The following ZNF423 variants were observed in gnomAD, a reference collection of about 807,000 sequenced individuals.
ZNF423 encodes zinc finger protein 423.
ZNF423 carries 12 observed loss-of-function variants against 95.8 expected under a neutral mutation model. The observed-to-expected ratio is 0.13, with a 90% CI of 0.08 to 0.20. The LOEUF (loss-of-function observed/expected upper bound fraction) is 0.20, where lower values mean the gene tolerates loss of function less well. Ranked by LOEUF, ZNF423 falls within the 10% of genes least tolerant of loss-of-function variation. The pLI is 1.00. For missense variants in ZNF423, 1,316 were observed against 1,737.1 expected (o/e 0.76, Z 4.31); for synonymous variants, 749 against 711.9 (o/e 1.05, Z -0.83).
At chr16:49,817,250 G>C (rs1443330238) in intron 1 of ZNF423, among the ~76,000 whole-genome samples, 1 of 152,214 alleles carries the variant, frequency 6.6e-6, no homozygotes, top group African/African-American at 2.4e-5. Context: ...AGAGCAGGGG[G>C]AGGCAGGGGA....
chr16:49,528,269 G>A (rs1474753766), intron 5 of ZNF423, among the ~76,000 whole-genome samples: 1 of 151,870 alleles, frequency 6.6e-6, no homozygotes, highest in African/African-American at 2.4e-5. Context: ...TTCTCCGAGT[G>A]CCGAGCAATT....
At chr16:49,727,474 C>T (rs1416047803) in intron 3 of ZNF423, among the ~76,000 whole-genome samples, 1 of 150,276 alleles carries the variant, frequency 6.7e-6, no homozygotes, top group Non-Finnish European at 1.5e-5. Context: ...CAAAACGCTG[C>T]CCCCAATCTC....
At chr16:49,552,811 G>C (rs1377630454) in intron 5 of ZNF423, among the ~76,000 whole-genome samples, 2 of 151,892 alleles carry the variant, frequency 1.3e-5, no homozygotes, top group African/African-American at 4.8e-5. Context: ...TCAGAGGCCG[G>C]GCCATGATCC....
At chr16:49,813,490 C>G (rs1438906732) in intron 1 of ZNF423, among the ~76,000 whole-genome samples, 1 of 152,230 alleles carries the variant, frequency 6.6e-6, no homozygotes, top group Non-Finnish European at 1.5e-5. Context: ...GCCCTGCCCT[C>G]CCCTGGGCCA....
intron 5 of ZNF423, among the ~76,000 whole-genome samples, chr16:49,537,997 G>A (rs1969113645): frequency 6.6e-6 from 1 of 152,200 alleles, no homozygotes; most frequent in Non-Finnish European, 1.5e-5. Context: ...CCTCCTGTCT[G>A]CCCTTGGCTG....
intron 1 of ZNF423, among the ~76,000 whole-genome samples, chr16:49,791,490 C>A (rs1404807423): frequency 6.6e-6 from 1 of 152,162 alleles, no homozygotes; most frequent in African/African-American, 2.4e-5. Flanking sequence ...TACACGCACA[C>A]ATGTAAATAT....
At chr16:49,833,003 C>CCAGCCTCCAGTTCG (rs1469661012) in intron 1 of ZNF423, among the ~76,000 whole-genome samples, 3 of 152,248 alleles carry the variant, frequency 2.0e-5, no homozygotes, top group African/African-American at 7.2e-5. Flanking sequence ...CACTCAGCCT[C>CCAGCCTCCAGTTCG]CAGCCTCCAG....
intron 3 of ZNF423, among the ~76,000 whole-genome samples, chr16:49,701,384 G>A (rs999982349): frequency 5.3e-5 from 8 of 152,090 alleles, no homozygotes; most frequent in Non-Finnish European, 7.3e-5. Context: ...AACCAGCGAC[G>A]AGGATTTGAA....
chr16:49,589,479 T>C (rs1488855618), intron 5 of ZNF423, among the ~76,000 whole-genome samples: 4 of 151,398 alleles, frequency 2.6e-5, no homozygotes, highest in Non-Finnish European at 5.9e-5. Context: ...AGTATTAACA[T>C]GTTCAATGGA....
At chr16:49,791,102 G>A (rs2034405965) in intron 1 of ZNF423, among the ~76,000 whole-genome samples, 1 of 152,292 alleles carries the variant, frequency 6.6e-6, no homozygotes, top group South Asian at 2.1e-4. Context: ...ATGCAAGAGG[G>A]AACATCCACG....
At chr16:49,559,905 T>C (rs1411911083) in intron 5 of ZNF423, among the ~76,000 whole-genome samples, 1 of 152,194 alleles carries the variant, frequency 6.6e-6, no homozygotes, top group Non-Finnish European at 1.5e-5. Flanking sequence ...TGCTTGTAGA[T>C]TTACCCAGCA....
intron 5 of ZNF423, among the ~76,000 whole-genome samples, chr16:49,554,621 T>C (rs1213534898): frequency 6.6e-6 from 1 of 151,904 alleles, no homozygotes; most frequent in African/African-American, 2.4e-5. Flanking sequence ...GCCCCTATGG[T>C]ATCACTTTGG....
chr16:49,666,311 T>C (rs183386565), intron 3 of ZNF423, among the ~76,000 whole-genome samples: 1 of 152,342 alleles, frequency 6.6e-6, no homozygotes, highest in East Asian at 1.9e-4. Context: ...CTCACGCCTT[T>C]AATACTTCTC....
chr16:49,503,204 C>T (rs1967497221), intron 7 of ZNF423, among the ~76,000 whole-genome samples: 1 of 152,186 alleles, frequency 6.6e-6, no homozygotes, highest in Non-Finnish European at 1.5e-5. Flanking sequence ...TGCTGAGTCC[C>T]TCCAGCAGCC....
intron 5 of ZNF423, among the ~76,000 whole-genome samples, chr16:49,549,647 T>C (rs1409666635): frequency 6.6e-6 from 1 of 152,190 alleles, no homozygotes; most frequent in African/African-American, 2.4e-5. Context: ...TGTGTGCTAA[T>C]GTGCTGAATA....
At chr16:49,555,627 G>A (rs1020300465) in intron 5 of ZNF423, among the ~76,000 whole-genome samples, 3 of 152,198 alleles carry the variant, frequency 2.0e-5, no homozygotes, top group African/African-American at 7.2e-5. Flanking sequence ...ATTATGAACA[G>A]ATAGATGGAT....
chr16:49,543,390 C>T (rs1969322095), intron 5 of ZNF423, among the ~76,000 whole-genome samples: 1 of 152,116 alleles, frequency 6.6e-6, no homozygotes, highest in African/African-American at 2.4e-5. Context: ...CATCTCCGTG[C>T]CCACTCCCCA....
intron 7 of ZNF423, among the ~76,000 whole-genome samples, chr16:49,502,313 G>C (rs76761502): frequency 0.036 from 5,441 of 152,244 alleles, 322 homozygotes; most frequent in African/African-American, 0.12. Flanking sequence ...AGAGGGTAAG[G>C]GTAGAAGATG....
intron 3 of ZNF423, among the ~76,000 whole-genome samples, chr16:49,683,010 A>G (rs764271425): frequency 3.3e-5 from 5 of 152,154 alleles, no homozygotes; most frequent in African/African-American, 7.2e-5. Context: ...GCCTGTGCCA[A>G]TAAAGAAGGG....
Sources: allele counts gnomAD v4.1 joint callset (sites outside exome capture counted in the v4.1 genomes callset), GRCh38; gene constraint gnomAD v4.1.1; transcripts MANE v1.5; gene names NCBI Gene and HGNC (gene_info 2026-07-23, HGNC 2026-07-21).